IQSEC3: variants seen among roughly 807,000 people sequenced by gnomAD.
IQSEC3 encodes IQ motif and Sec7 domain ArfGEF 3.
Under a neutral mutation model 105.4 loss-of-function variants are expected in IQSEC3, and 50 were observed. That is an observed-to-expected ratio of 0.47 (90% confidence interval 0.38 to 0.60). IQSEC3 has a LOEUF of 0.60. Ranked by LOEUF, IQSEC3 falls within the 20% of genes least tolerant of loss-of-function variation. The pLI is 0.00. For synonymous variants in IQSEC3, 708 were observed against 746.0 expected (o/e 0.95, Z 0.83); for missense variants, 1,415 against 1,630.0 (o/e 0.87, Z 2.27).
At chr12:159,862 G>A (rs1169983175) in intron 7 of IQSEC3, among the ~76,000 whole-genome samples, 2 of 152,140 alleles carry the variant, frequency 1.3e-5, no homozygotes, top group African/African-American at 4.8e-5. Context: ...CTGCTATTCT[G>A]TTGGTGGATC....
intron 7 of IQSEC3, among the ~76,000 whole-genome samples, chr12:158,506 C>T (rs147758401): frequency 2.0e-5 from 3 of 152,308 alleles, no homozygotes; most frequent in African/African-American, 7.2e-5. Context: ...TCATTTTCAC[C>T]TGCCCAGAAT....
At chr12:93,218 C>G (rs1019919840) in intron 1 of IQSEC3, among the ~76,000 whole-genome samples, 5 of 152,126 alleles carry the variant, frequency 3.3e-5, no homozygotes, top group African/African-American at 1.2e-4. Context: ...TGGCATGGAC[C>G]CCCCCAAAGC....
At chr12:94,891 C>T (rs1393822053) in intron 1 of IQSEC3, among the ~76,000 whole-genome samples, 2 of 152,234 alleles carry the variant, frequency 1.3e-5, no homozygotes, top group African/African-American at 4.8e-5. Flanking sequence ...TTTGCGTATG[C>T]TCTTGATGGC....
chr12:171,470 C>T (rs181271633), intron 13 of IQSEC3: 219 of 659,012 alleles, frequency 3.3e-4, no homozygotes, highest in Middle Eastern at 1.1e-3. Context: ...CCTGTGTGCC[C>T]CCAAATCCAC....
chr12:99,180 G>A lies in IQSEC3; in HGVS notation c.589G>A (p.Ala197Thr). The change falls in exon 2 of 14, where the codon GCC becomes ACC. Residue 197 changes from alanine to threonine, a missense_variant. Ala to Thr is a moderately conservative substitution (Grantham distance 58). This residue lies in a region of IQSEC3 where 720 missense variants were observed against 633.0 expected (regional missense o/e 1.14). Transcript: ENST00000538872. ...ETVLHQFCCP[A>T]ADACSDLASQ... is the part of the protein sequence containing the mutation. ...CGTGCTGCACCAGTTCTGCTGCCCA[G>A]CCGCCGACGCCTGCTCCGACCTGGC... 6.3e-7 allele frequency: 1 copy of A among 1,598,966 alleles called. No individual in the cohort carries two copies. Among genetic ancestry groups the A allele is most frequent in the Non-Finnish European group, 8.5e-7 (1 of 1,179,734 alleles).
At chr12:76,896 A>C (rs1863554243) in intron 1 of IQSEC3, among the ~76,000 whole-genome samples, 1 of 152,256 alleles carries the variant, frequency 6.6e-6, no homozygotes, top group South Asian at 2.1e-4. Flanking sequence ...GCACCAGGTC[A>C]AACCAGCCAA....
chr12:106,351 T>C (rs1864650764), intron 2 of IQSEC3, among the ~76,000 whole-genome samples: 1 of 152,188 alleles, frequency 6.6e-6, no homozygotes, highest in African/African-American at 2.4e-5. Flanking sequence ...GGTGAACAGC[T>C]GCTTCCCATG....
chr12:127,447 C>T (rs544693950), intron 3 of IQSEC3, among the ~76,000 whole-genome samples: 1 of 152,182 alleles, frequency 6.6e-6, no homozygotes, highest in Admixed American at 6.6e-5. Context: ...ATGCGGGAGG[C>T]GGAGGTTGCA....
chr12:125,193 G>A (rs1334993236), intron 2 of IQSEC3, among the ~76,000 whole-genome samples: 2 of 152,174 alleles, frequency 1.3e-5, no homozygotes, highest in Non-Finnish European at 2.9e-5. Flanking sequence ...CATGACTCAG[G>A]CACAGCTTAA....
At position 138,461 on chromosome 12, in the gene IQSEC3, C is replaced by G. The variant is rs1555087204; in HGVS notation, c.1098C>G (p.Ala366=). The G allele has an allele frequency of 6.2e-7, 1 of 1,601,644 alleles. No homozygotes were observed. The change falls in exon 4 of 14, where the codon GCC becomes GCG. Residue 366 remains alanine (A), a synonymous_variant. Coordinates refer to ENST00000538872, the MANE Select transcript of IQSEC3 (RefSeq NM_001170738.2). The surrounding 1 kb of genome is among the most constrained non-coding windows in gnomAD (Gnocchi z 7.1). Reference sequence around the variant, plus strand: ...CACCCACGGCCGAGAGCCTGGCGGCCGAGAAAGCGCTCATGGAGGGCTACG... The same window carrying G: ...CACCCACGGCCGAGAGCCTGGCGGCGGAGAAAGCGCTCATGGAGGGCTACG... ...VRSPTAESLA[A]EKALMEGYGL...
At chr12:100,887 G>C (rs1465521622) in intron 2 of IQSEC3, among the ~76,000 whole-genome samples, 1 of 152,150 alleles carries the variant, frequency 6.6e-6, no homozygotes, top group Non-Finnish European at 1.5e-5. Flanking sequence ...ATGTTGTAGA[G>C]GAAGACCCTG....
At chr12:103,688 T>G (rs1327176602) in intron 2 of IQSEC3, among the ~76,000 whole-genome samples, 6 of 772 alleles carry the variant, frequency 7.8e-3, no homozygotes, top group East Asian at 0.062. Flanking sequence ...GGCTCAGGGG[T>G]AGGTGGGGGC....
intron 1 of IQSEC3, among the ~76,000 whole-genome samples, chr12:97,226 T>C (rs1864267314): frequency 6.6e-6 from 1 of 152,244 alleles, no homozygotes; most frequent in Non-Finnish European, 1.5e-5. Flanking sequence ...ACCATGAATG[T>C]GCTGGAGCTC....
In IQSEC3 at chr12:152,759, A is replaced by G. The variant is rs1018164203; in HGVS notation, c.2154-4266A>G. Among the ~76,000 whole-genome samples, 7 of 152,184 alleles carry G rather than the reference A, an allele frequency of 4.6e-5. No homozygotes were observed. The highest frequency in any genetic ancestry group is 7.2e-5 in the African/African-American group (3 of 41,440). On this transcript the variant is annotated intron_variant, in intron 5 of 13. Transcript: ENST00000538872. The surrounding 1 kb of genome is among the most constrained non-coding windows in gnomAD (Gnocchi z 4.8). ...CAGTGGGGCAGGGAGAGGCCTCACA[A>G]GATTAGGAAGCTGAAAGCCTGCTCT... is the stretch of plus-strand genomic sequence containing the variant.
intron 1 of IQSEC3, among the ~76,000 whole-genome samples, chr12:77,914 G>A (rs1555069692): frequency 6.6e-6 from 1 of 151,472 alleles, no homozygotes; most frequent in Non-Finnish European, 1.5e-5. Context: ...GGGCCGGCTG[G>A]CAGCCGGCAG....
chr12:103,486 CGGGGCTCGGGGGGT>C (rs1565397014), intron 2 of IQSEC3, among the ~76,000 whole-genome samples: 21 of 17,584 alleles, frequency 1.2e-3, no homozygotes, highest in South Asian at 6.1e-3. Context: ...GGAGGGGAGG[CGGGGCTCGGGGGGT>C]AGGTGGGGGC....
Position 138,440 on chromosome 12 carries a change from C to G in IQSEC3, c.1077C>G (p.Pro359=), listed in dbSNP as rs1865859719. ...RRISLRKVRS[P]TAESLAAEKA... The stretch of plus-strand genomic sequence containing the variant: ...TCTCCCTGCGCAAGGTGCGGTCACC[C>G]ACGGCCGAGAGCCTGGCGGCCGAGA... Residue 359 remains proline, a synonymous_variant, in exon 4 of 14, where the codon CCC becomes CCG. Coordinates refer to ENST00000538872, the MANE Select transcript of IQSEC3 (RefSeq NM_001170738.2). The surrounding 1 kb of genome is among the most constrained non-coding windows in gnomAD (Gnocchi z 7.1). 6.2e-7 allele frequency: 1 copy of G among 1,605,616 alleles called. No individual in the cohort carries two copies. Among genetic ancestry groups the G allele is most frequent in the African/African-American group, 1.3e-5 (1 of 74,918 alleles).
intron 12 of IQSEC3, among the ~76,000 whole-genome samples, chr12:170,011 T>C (rs1194170044): frequency 6.6e-6 from 1 of 152,218 alleles, no homozygotes; most frequent in African/African-American, 2.4e-5. Context: ...CCCGCCACAG[T>C]CGGCCCTGAG....
chr12:172,418 AGCCCT>A (rs1174610663), intron 13 of IQSEC3, among the ~76,000 whole-genome samples: 8 of 151,722 alleles, frequency 5.3e-5, no homozygotes, highest in African/African-American at 1.7e-4. Flanking sequence ...CTGTTCTGCC[AGCCCT>A]GCCCTGCCCT....
Sources: gnomAD v4.1 joint callset for allele counts (sites outside exome capture counted in the v4.1 genomes callset) on GRCh38, gnomAD v4.1.1 for gene constraint, gnomAD v4.1.1 regional missense constraint, Gnocchi (gnomAD v3.1) non-coding constraint, MANE v1.5 for transcripts, NCBI Gene and HGNC (gene_info 2026-07-23, HGNC 2026-07-21) for gene names.